Variants in ATG5 observed in about 807,000 individuals in gnomAD.
The protein encoded by ATG5 is autophagy protein 5.
In ATG5, 14 loss-of-function variants were observed where a neutral mutation model predicts 36.5. The observed-to-expected ratio is 0.38, with a 90% CI of 0.25 to 0.60. The LOEUF is 0.60. Among genes scored for constraint, ATG5 ranks in the 20% least tolerant of loss-of-function variants. The pLI is 0.60. For missense variants in ATG5, 195 were observed against 326.7 expected (o/e 0.60, Z 3.11); for synonymous variants, 95 against 101.5 (o/e 0.94, Z 0.38).
intron 5 of ATG5, 53 bp from the exon 6 acceptor site, chr6:106,248,297 T>A: frequency 7.6e-7 from 1 of 1,314,224 alleles, no homozygotes; most frequent in Non-Finnish European, 1.1e-6. Flanking sequence ...TATAATGGAA[T>A]ACCTCACATG....
chr6:106,311,852 TG>T lies in ATG5; in HGVS notation c.109-3362del, dbSNP rs1240534604. On this transcript the variant is annotated intron_variant, in intron 2 of 7. Coordinates refer to ENST00000369076, the MANE Select transcript of ATG5 (RefSeq NM_004849.4). The stretch of plus-strand genomic sequence containing the variant: ...TCCTTCTTTTTTTTTTTTTTTGAGA[TG>T]GAGTTTCACTCTTCTCACCCAGGCT... Among the ~76,000 whole-genome samples, 4 of 150,224 alleles carry T rather than the reference TG, an allele frequency of 2.7e-5. No homozygotes were observed. The East Asian group carries it at 7.8e-4, about 29-fold the overall frequency.
intron 6 of ATG5, among the ~76,000 whole-genome samples, chr6:106,219,466 G>C (rs1777159136): frequency 6.6e-6 from 1 of 152,110 alleles, no homozygotes; most frequent in African/African-American, 2.4e-5. Flanking sequence ...GGTCGAAAAT[G>C]TTTTTGTACC....
intron 7 of ATG5, among the ~76,000 whole-genome samples, chr6:106,196,516 G>C (rs1307355911): frequency 1.3e-5 from 2 of 152,096 alleles, no homozygotes. Context: ...TTGAGGCCAG[G>C]AGTTCAAGAC....
At chr6:106,186,804 A>G in intron 7 of ATG5, 128 bp from the exon 8 acceptor site, 1 of 1,075,486 alleles carries the variant, frequency 9.3e-7, no homozygotes, top group East Asian at 2.6e-5. Context: ...TGAACAGGAA[A>G]TGTGGACATG....
At chr6:106,323,128 G>A (rs1007381539) in intron 1 of ATG5, among the ~76,000 whole-genome samples, 14 of 151,938 alleles carry the variant, frequency 9.2e-5, no homozygotes, top group Non-Finnish European at 1.6e-4. Context: ...TAGTAGAGAC[G>A]GGGTTTCACC....
chr6:106,288,475 C>T (rs1724410210), intron 4 of ATG5, among the ~76,000 whole-genome samples: 2 of 152,064 alleles, frequency 1.3e-5, no homozygotes, highest in South Asian at 4.2e-4. Context: ...AAGCAATTAA[C>T]ACTCTACAAT....
intron 5 of ATG5, chr6:106,271,838 C>T (rs1274549813): frequency 6.6e-6 from 1 of 152,096 alleles, no homozygotes; most frequent in African/African-American, 2.4e-5. Flanking sequence ...GAAGAAAAAC[C>T]TGTGTTTATC....
intron 7 of ATG5, among the ~76,000 whole-genome samples, chr6:106,196,021 G>A (rs1776170136): frequency 6.6e-6 from 1 of 152,166 alleles, no homozygotes; most frequent in African/African-American, 2.4e-5. Context: ...TGTATTCTGA[G>A]AGTGTCAGTT....
chr6:106,314,667 C>G (rs1770772325), intron 2 of ATG5, among the ~76,000 whole-genome samples: 1 of 152,000 alleles, frequency 6.6e-6, no homozygotes, highest in Non-Finnish European at 1.5e-5. Context: ...CTCTTATATA[C>G]TATTACAAAG....
intron 1 of ATG5, among the ~76,000 whole-genome samples, chr6:106,319,657 G>GT (rs1315672263): frequency 6.6e-6 from 1 of 152,110 alleles, no homozygotes; most frequent in Non-Finnish European, 1.5e-5. Flanking sequence ...AACTCGCCTT[G>GT]TTTTCTCTTG....
intron 5 of ATG5, among the ~76,000 whole-genome samples, chr6:106,264,081 A>T (rs1465345956): frequency 6.6e-6 from 1 of 152,170 alleles, no homozygotes; most frequent in East Asian, 1.9e-4. Context: ...CAATGCAAGG[A>T]AGCTAAGAAT....
intron 6 of ATG5, among the ~76,000 whole-genome samples, chr6:106,247,489 TTAG>T (rs1294989559): frequency 6.6e-6 from 1 of 152,176 alleles, no homozygotes; most frequent in African/African-American, 2.4e-5. Flanking sequence ...ACAAACAGAC[TTAG>T]TAAATTCTTG....
At chr6:106,261,975 T>G (rs923254965) in intron 5 of ATG5, among the ~76,000 whole-genome samples, 1 of 151,298 alleles carries the variant, frequency 6.6e-6, no homozygotes, top group Non-Finnish European at 1.5e-5. Context: ...AGTGCAGAGG[T>G]TGGGAAACCC....
chr6:106,256,490 G>T (rs532455539), intron 5 of ATG5, among the ~76,000 whole-genome samples: 1 of 152,276 alleles, frequency 6.6e-6, no homozygotes, highest in East Asian at 1.9e-4. Flanking sequence ...ACAACCTCCA[G>T]ATGTAACAAA....
intron 7 of ATG5, chr6:106,201,685 G>A (rs1405080337): frequency 5.5e-6 from 1 of 181,802 alleles, no homozygotes; most frequent in Non-Finnish European, 1.1e-5. Flanking sequence ...ATTAAAAGTA[G>A]TATTTATCAG....
At chr6:106,234,545 C>G (rs377035108) in intron 6 of ATG5, among the ~76,000 whole-genome samples, 7 of 147,342 alleles carry the variant, frequency 4.8e-5, no homozygotes, top group African/African-American at 1.8e-4. Context: ...TCCTCCCACA[C>G]GAATAGTCTG....
At chr6:106,291,132 C>T (rs747341318) in intron 4 of ATG5, among the ~76,000 whole-genome samples, 2 of 152,214 alleles carry the variant, frequency 1.3e-5, no homozygotes, top group Non-Finnish European at 2.9e-5. Context: ...CAAAAAATTA[C>T]GCAAGTGCTT....
intron 5 of ATG5, among the ~76,000 whole-genome samples, chr6:106,260,393 A>G (rs1778972824): frequency 6.6e-6 from 1 of 152,248 alleles, no homozygotes; most frequent in Non-Finnish European, 1.5e-5. Flanking sequence ...ATATCCTTCT[A>G]ACGGGAAAGA....
chr6:106,201,275 A>ATGTGTGTGTGTGTGTGTG (rs138478446), intron 7 of ATG5, among the ~76,000 whole-genome samples: 2 of 149,206 alleles, frequency 1.3e-5, no homozygotes, highest in Non-Finnish European at 3.0e-5. Flanking sequence ...TCAAGTGTAT[A>ATGTGTGTGTGTGTGTGTG]TGTGTGTGTG....
Sources: allele counts gnomAD v4.1 joint callset (sites outside exome capture counted in the v4.1 genomes callset), GRCh38; gene constraint gnomAD v4.1.1; transcripts MANE v1.5; gene names NCBI Gene and HGNC (gene_info 2026-07-23, HGNC 2026-07-21).